NCBP3: variants seen among roughly 807,000 people sequenced by gnomAD.
The protein encoded by NCBP3 is nuclear cap-binding protein subunit 3.
A neutral mutation model predicts 75.7 loss-of-function variants in NCBP3; 20 were observed. That is an observed-to-expected ratio of 0.26 (90% CI 0.19 to 0.38). The LOEUF (loss-of-function observed/expected upper bound fraction) is 0.38. NCBP3 is among the 10% of genes least tolerant of loss of function. The pLI is 1.00. For missense variants in NCBP3, 678 were observed against 796.9 expected (o/e 0.85, Z 1.80); for synonymous variants, 293 against 290.5 (o/e 1.01, Z -0.09).
At position 3,829,476 on chromosome 17, in the gene NCBP3, C is replaced by T; in HGVS notation, c.356-108G>A. Reference sequence around the variant, plus strand: ...CAGACAACACGAGTTTAGAAAGAAACATGCTGAGAGAAACTATAATTATTT... The same window carrying T: ...CAGACAACACGAGTTTAGAAAGAAATATGCTGAGAGAAACTATAATTATTT... On this transcript the variant is annotated intron_variant, in intron 3 of 12. Transcript: ENST00000389005. 2.5e-6 allele frequency: 3 copies of T among 1,214,004 alleles called. No individual in the cohort carries two copies. The South Asian group carries it at 4.7e-5, about 19-fold the overall frequency. The allele number at this position is 1,214,004 out of a possible 1,614,324, so 75.2% of individuals were successfully genotyped here.
rs56253811 is a variant in NCBP3 at position 3,836,654 on chromosome 17, CAA to C, written c.355+3444_355+3445del. ...GGCAACAGAGTGAGACTCCGTCTCT[CAA>C]AAAAAAAAAAAAAAAAAAGAATTCC... On this transcript the variant is annotated intron_variant, in intron 3 of 12. Coordinates refer to ENST00000389005, the MANE Select transcript of NCBP3 (RefSeq NM_001114118.3). Among the ~76,000 whole-genome samples, 523 of 90,238 alleles carry C rather than the reference CAA, an allele frequency of 5.8e-3. 4 individuals are homozygous for C. In the East Asian group the frequency reaches 0.062, roughly 11 times the overall value. 59.2% of individuals were successfully genotyped at this position (90,238 alleles called of 152,430 possible).
chr17:3,825,963 C>T, intron 5 of NCBP3, 120 bp from the exon 6 acceptor site: 1 of 1,415,650 alleles, frequency 7.1e-7, no homozygotes. Context: ...TCCTGATGAT[C>T]TCAAGCATCA....
At chr17:3,840,806 A>ACT (rs2054050847) in intron 2 of NCBP3, among the ~76,000 whole-genome samples, 1 of 151,490 alleles carries the variant, frequency 6.6e-6, no homozygotes, top group Admixed American at 6.6e-5. Context: ...AAGCAAAGAA[A>ACT]CTCTCCCTCC....
intron 4 of NCBP3, 150 bp downstream of exon 4, chr17:3,829,093 C>T: frequency 1.2e-6 from 1 of 848,322 alleles, no homozygotes. Flanking sequence ...CTGCGTTTCA[C>T]TGCTCGACAA....
intron 9 of NCBP3, 87 bp downstream of exon 9, chr17:3,821,162 T>A: frequency 1.1e-6 from 1 of 951,048 alleles, no homozygotes; most frequent in Admixed American, 1.9e-5. Flanking sequence ...ATGATAAAGT[T>A]TGGAACCTTA....
At position 3,804,364 on chromosome 17, in the gene NCBP3, TG is replaced by T. The variant is rs1567573183; in HGVS notation, c.*8679del. 6.6e-6 allele frequency: 1 copy of T among 151,392 alleles called. No homozygotes were observed. Among genetic ancestry groups the T allele is most frequent in the Non-Finnish European group, 1.5e-5 (1 of 67,860 alleles). 9.4% of individuals were successfully genotyped at this position (151,392 alleles called of 1,614,324 possible). ...GAGTTTGAGACCAGCCTGGGCAACATGGTGAAACCCTGTCTTTACTAAAAAC... is the reference window on the plus strand; with the variant it reads ...GAGTTTGAGACCAGCCTGGGCAACATGTGAAACCCTGTCTTTACTAAAAAC... On this transcript the variant is annotated 3_prime_UTR_variant, in exon 13 of 13. Coordinates refer to ENST00000389005, the MANE Select transcript of NCBP3 (RefSeq NM_001114118.3).
rs1478730994 is a variant in NCBP3 at position 3,807,146 on chromosome 17, A to G, written c.*5898T>C. On this transcript the variant is annotated 3_prime_UTR_variant, in exon 13 of 13. Coordinates refer to ENST00000389005, the MANE Select transcript of NCBP3 (RefSeq NM_001114118.3). The stretch of plus-strand genomic sequence containing the variant: ...TGGAGGAATGAGCTCTGCTCTTTTC[A>G]CCTGCTCTGGACTGCTCTCACTTTC... 6.6e-6 allele frequency: 1 copy of G among 152,238 alleles called. No individual in the cohort carries two copies. The highest frequency in any genetic ancestry group is 1.5e-5 in the Non-Finnish European group (1 of 68,040). 9.4% of individuals were successfully genotyped at this position (152,238 alleles called of 1,614,324 possible).
In NCBP3 at chr17:3,812,991, A is replaced by G. The variant is rs1273420065; in HGVS notation, c.*53T>C. ...GGGGGAGGTTCCTACTGCGCGCCCCACCCTGTGCAAGAATGTCAGGCTTTA... is the reference window on the plus strand; with the variant it reads ...GGGGGAGGTTCCTACTGCGCGCCCCGCCCTGTGCAAGAATGTCAGGCTTTA... On this transcript the variant is annotated 3_prime_UTR_variant, in exon 13 of 13. Transcript: ENST00000389005. 5.0e-6 allele frequency: 8 copies of G among 1,609,878 alleles called. No homozygotes were observed. The highest frequency in any genetic ancestry group is 6.8e-6 in the Non-Finnish European group (8 of 1,177,626).
At chr17:3,841,117 C>G (rs2054056122) in intron 2 of NCBP3, among the ~76,000 whole-genome samples, 1 of 152,198 alleles carries the variant, frequency 6.6e-6, no homozygotes, top group Admixed American at 6.5e-5. Flanking sequence ...GCTGGGACTG[C>G]AGGTGCACAC....
chr17:3,829,990 C>T (rs1011775738), intron 3 of NCBP3, among the ~76,000 whole-genome samples: 6 of 152,180 alleles, frequency 3.9e-5, no homozygotes, highest in African/African-American at 1.4e-4. Context: ...CCAGTTTTCA[C>T]GGACCAGATT....
chr17:3,818,127 G>A lies in NCBP3; in HGVS notation c.1310+136C>T, dbSNP rs2053582934. ...TCACTGCTTGTATAGAGGAAATACT[G>A]GATGCGTTTATTAAACTCCTACAAG... On this transcript the variant is annotated intron_variant, in intron 10 of 12. Coordinates refer to ENST00000389005, the MANE Select transcript of NCBP3 (RefSeq NM_001114118.3). This position sits in a 1 kb window ranked among gnomAD's most constrained non-coding sequence, Gnocchi z 4.7. 1.4e-6 allele frequency: 1 copy of A among 711,470 alleles called. No homozygotes were observed. Among genetic ancestry groups the A allele is most frequent in the African/African-American group, 1.8e-5 (1 of 54,758 alleles). 44.1% of individuals were successfully genotyped at this position (711,470 alleles called of 1,614,324 possible).
intron 1 of NCBP3, among the ~76,000 whole-genome samples, chr17:3,845,082 A>AT (rs1390417857): frequency 6.6e-6 from 1 of 152,144 alleles, no homozygotes; most frequent in Non-Finnish European, 1.5e-5. Context: ...GTCTTGCTAT[A>AT]TTGCTGAGGC....
rs2053433460 is a variant in NCBP3 at position 3,812,398 on chromosome 17, T to G, written c.*646A>C. ...AAAAATCCCACAGCACTGAACTTGA[T>G]CTTCACATCAAGCTGACAGCACGTA... On this transcript the variant is annotated 3_prime_UTR_variant, in exon 13 of 13. Coordinates refer to ENST00000389005, the MANE Select transcript of NCBP3 (RefSeq NM_001114118.3). 1.9e-5 allele frequency: 10 copies of G among 537,258 alleles called. No homozygotes were observed. The highest frequency in any genetic ancestry group is 8.0e-5 in the South Asian group (1 of 12,428). 33.3% of individuals were successfully genotyped at this position (537,258 alleles called of 1,614,324 possible).
rs1156698844 is a variant in NCBP3 at position 3,804,547 on chromosome 17, C to CA, written c.*8496dup. 4.0e-5 allele frequency: 6 copies of CA among 151,754 alleles called. No individual in the cohort carries two copies. Among genetic ancestry groups the CA allele is most frequent in the Non-Finnish European group, 5.9e-5 (4 of 67,962 alleles). 9.4% of individuals were successfully genotyped at this position (151,754 alleles called of 1,614,324 possible). On this transcript the variant is annotated 3_prime_UTR_variant, in exon 13 of 13. Coordinates refer to ENST00000389005, the MANE Select transcript of NCBP3 (RefSeq NM_001114118.3). ...GGCGACAAGAGCAAGACTTCATCTCCAAAAAAAACAGAAAGGGCTGCCTGC... is the reference window on the plus strand; with the variant it reads ...GGCGACAAGAGCAAGACTTCATCTCCAAAAAAAAACAGAAAGGGCTGCCTGC...
chr17:3,830,004 C>T (rs1567590444), intron 3 of NCBP3, among the ~76,000 whole-genome samples: 1 of 152,184 alleles, frequency 6.6e-6, no homozygotes, highest in Admixed American at 6.5e-5. Context: ...CCAGATTTTA[C>T]ACCTTATTTT....
intron 4 of NCBP3, among the ~76,000 whole-genome samples, chr17:3,828,938 G>A (rs1000268612): frequency 1.3e-5 from 2 of 152,088 alleles, no homozygotes; most frequent in African/African-American, 4.8e-5. Context: ...CCTCTCCTTT[G>A]TTGGGAAAAG....
At chr17:3,835,089 G>A (rs1440284976) in intron 3 of NCBP3, among the ~76,000 whole-genome samples, 1 of 152,222 alleles carries the variant, frequency 6.6e-6, no homozygotes, top group African/African-American at 2.4e-5. Context: ...TGGAGAGCAA[G>A]AAGCTGAGGA....
intron 3 of NCBP3, among the ~76,000 whole-genome samples, chr17:3,832,846 CAA>C (rs996504387): frequency 1.1e-4 from 17 of 152,032 alleles, no homozygotes; most frequent in African/African-American, 4.1e-4. Context: ...TTTTAAATCT[CAA>C]AGAGTTAAGA....
chr17:3,821,504 C>A, intron 8 of NCBP3, 152 bp from the exon 9 acceptor site: 1 of 613,094 alleles, frequency 1.6e-6, no homozygotes, highest in South Asian at 2.0e-5. Flanking sequence ...CTCACTGCAA[C>A]CTTTGCCTCT....
Sources: gnomAD v4.1 joint callset for allele counts (sites outside exome capture counted in the v4.1 genomes callset) on GRCh38, gnomAD v4.1.1 for gene constraint, Gnocchi (gnomAD v3.1) non-coding constraint, MANE v1.5 for transcripts, NCBI Gene and HGNC (gene_info 2026-07-23, HGNC 2026-07-21) for gene names.